The following RBFOX1 variants were observed in gnomAD, a reference collection of about 807,000 sequenced individuals.
RBFOX1 encodes RNA binding protein fox-1 homolog 1.
RBFOX1 carries 8 observed loss-of-function variants against 57.7 expected under a neutral mutation model. The ratio of observed to expected loss-of-function variants is 0.14; its 90% CI spans 0.08 to 0.25. RBFOX1 has a LOEUF of 0.25. RBFOX1 is among the 10% of genes least tolerant of loss of function. RBFOX1 has a pLI of 1.00. For synonymous variants in RBFOX1, 326 were observed against 222.4 expected (o/e 1.47, Z -4.15); for missense variants, 611 against 548.5 (o/e 1.11, Z -1.14).
rs144627418 is a variant in RBFOX1 at position 6,937,877 on chromosome 16, A to T, written c.-15-114180A>T. ...GCTGGCTGGCTTTTCCTGAATTCCAAAAGGGAGATGGGTATCATGAGGCAT... is the reference window on the plus strand; with the variant it reads ...GCTGGCTGGCTTTTCCTGAATTCCATAAGGGAGATGGGTATCATGAGGCAT... On this transcript the variant is annotated intron_variant, in intron 3 of 15. Transcript: ENST00000550418. Among the ~76,000 whole-genome samples the T allele has an allele frequency of 5.0e-4, 75 of 149,756 alleles. 1 individual carries two copies. The highest frequency in any genetic ancestry group is 1.7e-3 in the African/African-American group (68 of 40,656).
chr16:5,959,310 A>G (rs2059704887), intron 4 of RBFOX1, among the ~76,000 whole-genome samples: 1 of 152,172 alleles, frequency 6.6e-6, no homozygotes, highest in Non-Finnish European at 1.5e-5. Context: ...TCCAATTCCC[A>G]GGTTTCTTCC....
In RBFOX1 at chr16:5,588,773, G is replaced by A. The variant is rs139261848; in HGVS notation, c.259-10129G>A. Among the ~76,000 whole-genome samples the A allele has an allele frequency of 8.1e-3, 1,235 of 152,198 alleles. 11 individuals are homozygous for A. Among genetic ancestry groups the A allele is most frequent in the Non-Finnish European group, 0.012 (802 of 68,006 alleles). ...GGTCGGGGGGAAATGGAGTCAAGCC[G>A]GTCTTTTTTTGGAAGCCACTGCAAC... On this transcript the variant is annotated intron_variant, in intron 2 of 2. Coordinates refer to the RBFOX1 transcript ENST00000585867.
intron 1 of RBFOX1, among the ~76,000 whole-genome samples, chr16:6,249,772 C>CTTTTTT (rs55802545): frequency 7.1e-6 from 1 of 140,668 alleles, no homozygotes; most frequent in Non-Finnish European, 1.5e-5. Context: ...CATTTTTTTT[C>CTTTTTT]TTTTTTTTTT....
In RBFOX1 at chr16:7,166,972, C is replaced by CTTTTTTTTTTTTTTTTTTTTT. The variant is rs537293692; in HGVS notation, c.27+114889_27+114909dup. Among the ~76,000 whole-genome samples, 29 of 49,114 alleles carry CTTTTTTTTTTTTTTTTTTTTT rather than the reference C, an allele frequency of 5.9e-4. 4 individuals are homozygous for CTTTTTTTTTTTTTTTTTTTTT. Among genetic ancestry groups the CTTTTTTTTTTTTTTTTTTTTT allele is most frequent in the Admixed American group, 8.4e-4 (3 of 3,590 alleles). The allele number at this position is 49,114 out of a possible 152,430, so 32.2% of individuals were successfully genotyped here. ...AGCCCCAGATTGCTGCATTGGTGTT[C>CTTTTTTTTTTTTTTTTTTTTT]TTTTTTTTTTTTTTTTTTTTTTTTT... On this transcript the variant is annotated intron_variant, in intron 4 of 15. Coordinates refer to ENST00000550418, the MANE Select transcript of RBFOX1 (RefSeq NM_018723.4).
intron 3 of RBFOX1, among the ~76,000 whole-genome samples, chr16:5,815,308 A>C (rs1383640393): frequency 6.6e-6 from 1 of 151,528 alleles, no homozygotes; most frequent in Non-Finnish European, 1.5e-5. Flanking sequence ...TTCCTTTCCA[A>C]TGTCTTGATC....
chr16:6,203,721 G>A (rs2097232736), intron 1 of RBFOX1, among the ~76,000 whole-genome samples: 1 of 152,232 alleles, frequency 6.6e-6, no homozygotes, highest in Non-Finnish European at 1.5e-5. Context: ...GATGTGGAAA[G>A]AAGTGAACCC....
chr16:7,140,634 T>A (rs2073501885), intron 4 of RBFOX1, among the ~76,000 whole-genome samples: 1 of 152,172 alleles, frequency 6.6e-6, no homozygotes, highest in South Asian at 2.1e-4. Flanking sequence ...TAGGCAGAGC[T>A]CATCAATATC....
chr16:6,206,655 A>G lies in RBFOX1; in HGVS notation c.-126-110340A>G, dbSNP rs1259835037. 2.0e-5 allele frequency among the ~76,000 whole-genome samples: 3 copies of G among 152,124 alleles called. No homozygotes were observed. The East Asian group carries it at 5.8e-4, about 29-fold the overall frequency. ...ACTTTTCATTTTGAAATAATTATAC[A>G]CTCATCAGAAGTTGCAAAGATAATA... On this transcript the variant is annotated intron_variant, in intron 1 of 15. Transcript: ENST00000550418.
At chr16:6,768,831 C>G (rs1014116172) in intron 3 of RBFOX1, among the ~76,000 whole-genome samples, 1 of 151,234 alleles carries the variant, frequency 6.6e-6, no homozygotes, top group East Asian at 1.9e-4. Flanking sequence ...AGGTTTCAAG[C>G]GATTCTTCTG....
chr16:7,699,624 G>A (rs983383065), intron 14 of RBFOX1, among the ~76,000 whole-genome samples: 4 of 152,118 alleles, frequency 2.6e-5, no homozygotes, highest in Non-Finnish European at 4.4e-5. Context: ...AATGCATGCT[G>A]GATTTCCAAA....
chr16:6,823,161 C>T (rs189244047), intron 3 of RBFOX1, among the ~76,000 whole-genome samples: 20 of 152,128 alleles, frequency 1.3e-4, no homozygotes, highest in African/African-American at 4.6e-4. Flanking sequence ...CATCTCAGCC[C>T]CAAAGTGATT....
chr16:6,575,272 G>T (rs2097415343), intron 2 of RBFOX1, among the ~76,000 whole-genome samples: 1 of 152,120 alleles, frequency 6.6e-6, no homozygotes. Context: ...GCAATGATGT[G>T]CTTGATTAAG....
chr16:6,050,237 G>A (rs1419548888), intron 1 of RBFOX1, among the ~76,000 whole-genome samples: 1 of 152,196 alleles, frequency 6.6e-6, no homozygotes, highest in African/African-American at 2.4e-5. Context: ...TGGGATTACA[G>A]CTGTGAGCCA....
chr16:6,036,383 CATA>C (rs1489652621), intron 1 of RBFOX1, among the ~76,000 whole-genome samples: 1 of 150,772 alleles, frequency 6.6e-6, no homozygotes, highest in African/African-American at 2.4e-5. Flanking sequence ...TCCATTCTAG[CATA>C]ATGTTTTGTG....
rs943556548 is a variant in RBFOX1, at chr16:7,703,123, G to GCC, written c.996-5931_996-5930dup. Among the ~76,000 whole-genome samples the GCC allele has an allele frequency of 3.7e-4, 57 of 152,310 alleles. No homozygotes were observed. The East Asian group carries it at 4.8e-3, about 13-fold the overall frequency. Reference sequence around the variant, plus strand: ...TTAGAACCACTGAACCACAGTTGGTGCCCTGTTGCTATGCTGTACGGTAAG... The same window carrying GCC: ...TTAGAACCACTGAACCACAGTTGGTGCCCCCTGTTGCTATGCTGTACGGTAAG... On this transcript the variant is annotated intron_variant, in intron 14 of 15. Coordinates refer to ENST00000550418, the MANE Select transcript of RBFOX1 (RefSeq NM_018723.4).
chr16:7,287,395 C>T (rs571473267), intron 4 of RBFOX1, among the ~76,000 whole-genome samples: 22 of 152,204 alleles, frequency 1.4e-4, no homozygotes, highest in Middle Eastern at 3.4e-3. Context: ...GGAACTATGC[C>T]AGGGTGCTCT....
At chr16:7,329,141 A>C (rs2096651130) in intron 4 of RBFOX1, among the ~76,000 whole-genome samples, 1 of 152,182 alleles carries the variant, frequency 6.6e-6, no homozygotes, top group Non-Finnish European at 1.5e-5. Context: ...GTTCTGCAAC[A>C]CCTAAAATAT....
chr16:5,529,788 G>A (rs2044391878), intron 2 of RBFOX1, among the ~76,000 whole-genome samples: 1 of 151,932 alleles, frequency 6.6e-6, no homozygotes, highest in Non-Finnish European at 1.5e-5. Flanking sequence ...GGGTGTTCTC[G>A]AACTCCTGAC....
intron 2 of RBFOX1, among the ~76,000 whole-genome samples, chr16:5,572,852 G>T (rs1204266138): frequency 2.0e-5 from 3 of 152,202 alleles, no homozygotes; most frequent in Non-Finnish European, 4.4e-5. Flanking sequence ...AATAGAATGA[G>T]CAAAGGCAAA....
Sources: allele counts gnomAD v4.1 joint callset (sites outside exome capture counted in the v4.1 genomes callset), GRCh38; gene constraint gnomAD v4.1.1; transcripts MANE v1.5; gene names NCBI Gene and HGNC (gene_info 2026-07-23, HGNC 2026-07-21).